Variants in SIRPB1 observed in about 807,000 individuals in gnomAD.
The protein encoded by SIRPB1 is signal regulatory protein beta 1.
SIRPB1 carries 28 observed loss-of-function variants against 34.1 expected under a neutral mutation model. The observed-to-expected ratio is 0.82, with a 90% CI of 0.61 to 1.12. SIRPB1 has a LOEUF of 1.12. SIRPB1 is among the 50% of genes most tolerant of loss of function. SIRPB1 has a pLI of 0.00. For synonymous variants in SIRPB1, 211 were observed against 203.8 expected (o/e 1.04, Z -0.30); for missense variants, 499 against 507.0 (o/e 0.98, Z 0.15).
chr20:1,616,671 C>T (rs985041093), intron 1 of SIRPB1, among the ~76,000 whole-genome samples: 4 of 152,120 alleles, frequency 2.6e-5, no homozygotes, highest in Non-Finnish European at 5.9e-5. Context: ...TCCCAAAGCA[C>T]AGGCAACAAA....
At chr20:1,617,448 C>A (rs1000372415) in intron 1 of SIRPB1, among the ~76,000 whole-genome samples, 2 of 152,132 alleles carry the variant, frequency 1.3e-5, no homozygotes, top group Non-Finnish European at 2.9e-5. Flanking sequence ...AAAGACAATA[C>A]TGCATAATGT....
At position 1,578,287 on chromosome 20, in the gene SIRPB1, T is replaced by C. The variant is rs115193913; in HGVS notation, c.433+51A>G. 333 of 1,527,522 alleles carry C rather than the reference T, an allele frequency of 2.2e-4. 27 individuals are homozygous for C. In the African/African-American group the frequency reaches 3.1e-3, roughly 14 times the overall value. The allele number at this position is 1,527,522 out of a possible 1,614,324, so 94.6% of individuals were successfully genotyped here. On this transcript the variant is annotated intron_variant, in intron 2 of 5. Transcript: ENST00000381605. The stretch of plus-strand genomic sequence containing the variant: ...GCTCCAAGAATGGATAATGTAATTA[T>C]TGAGTTATTGTCACACACCAGGGGA...
At chr20:1,592,716 A>G (rs1320447788) in intron 1 of SIRPB1, among the ~76,000 whole-genome samples, 1 of 49,348 alleles carries the variant, frequency 2.0e-5, no homozygotes, top group African/African-American at 1.3e-4. Flanking sequence ...AACTTTATTT[A>G]AAACAAACAA....
rs531225393 is a variant in SIRPB1 at position 1,572,326 on chromosome 20, C to T, written c.434-289G>A. On this transcript the variant is annotated intron_variant, in intron 2 of 5. Transcript: ENST00000381605. ...ACTTCCACCAATCTGGGCATAGGAA[C>T]AAAATTACTGATTGGTCTCCCTCCA... 1.8e-3 allele frequency among the ~76,000 whole-genome samples: 271 copies of T among 152,146 alleles called. 1 individual carries two copies. The highest frequency in any genetic ancestry group is 6.0e-3 in the African/African-American group (250 of 41,496).
Position 1,576,769 on chromosome 20 carries a change from T to C in SIRPB1, c.433+1569A>G, listed in dbSNP as rs1238633944. Among the ~76,000 whole-genome samples the C allele has an allele frequency of 8.1e-5, 12 of 148,474 alleles. No homozygotes were observed. The East Asian group carries it at 2.3e-3, about 29-fold the overall frequency. On this transcript the variant is annotated intron_variant, in intron 2 of 5. Transcript: ENST00000381605. ...AAAATACAAAATTAGCCAGGCATGG[T>C]AGCTCAAGTCTGTAATCTCTGATTG... is the stretch of plus-strand genomic sequence containing the variant.
rs2091422229 is a variant in SIRPB1, at chr20:1,586,250, C to T, written c.77-7556G>A. Among the ~76,000 whole-genome samples, 2 of 48,838 alleles carry T rather than the reference C, an allele frequency of 4.1e-5. 1 individual carries two copies. Among genetic ancestry groups the T allele is most frequent in the South Asian group, 1.5e-3 (2 of 1,358 alleles). The allele number at this position is 48,838 out of a possible 152,430, so 32.0% of individuals were successfully genotyped here. A position where few individuals can be genotyped will look rare whatever the true frequency, so the allele number is the denominator to read the frequency against. ...GAAGTGCATAGATTTTAGGAGTTCT[C>T]GCCATACAAAATTGTCAATATGTAA... On this transcript the variant is annotated intron_variant, in intron 1 of 5. Transcript: ENST00000381605.
At chr20:1,614,011 C>T (rs572887561) in intron 1 of SIRPB1, among the ~76,000 whole-genome samples, 2 of 152,290 alleles carry the variant, frequency 1.3e-5, no homozygotes, top group South Asian at 4.1e-4. Context: ...GAAGTGATTC[C>T]TTACATAAAA....
chr20:1,572,132 T>C, intron 2 of SIRPB1, 95 bp from the exon 3 acceptor site: 1 of 1,569,566 alleles, frequency 6.4e-7, no homozygotes, highest in African/African-American at 1.4e-5. Flanking sequence ...GAGACGTTAG[T>C]TTTTAATCTT....
Position 1,571,835 on chromosome 20 carries a change from G to T in SIRPB1, c.636C>A (p.Ala212=). 6 of 1,614,218 alleles carry T rather than the reference G, an allele frequency of 3.7e-6. No homozygotes were observed. Among genetic ancestry groups the T allele is most frequent in the Non-Finnish European group, 4.2e-6 (5 of 1,180,046 alleles). Residue 212 remains alanine, a synonymous_variant, in exon 3 of 6, where the codon GCC becomes GCA. Coordinates refer to ENST00000381605, the MANE Select transcript of SIRPB1 (RefSeq NM_006065.5). ...DSVSYSIHST[A]RVVLTRGDVH... Reference sequence around the variant, plus strand: ...CGTCCCCACGGGTCAGCACCACCCTGGCTGTGCTGTGGATGCTGTAGGACA... The same window carrying T: ...CGTCCCCACGGGTCAGCACCACCCTTGCTGTGCTGTGGATGCTGTAGGACA...
rs2091541346 is a variant in SIRPB1, at chr20:1,609,176, G to C, written c.76+10693C>G. Reference sequence around the variant, plus strand: ...GAGTGAGCAGATCTGAGTCACACCTGAGCCACCACTGGCTGTGACTGCCTG... The same window carrying C: ...GAGTGAGCAGATCTGAGTCACACCTCAGCCACCACTGGCTGTGACTGCCTG... On this transcript the variant is annotated intron_variant, in intron 1 of 5. Transcript: ENST00000381605. 7.1e-5 allele frequency among the ~76,000 whole-genome samples: 5 copies of C among 70,334 alleles called. 2 individuals are homozygous for C. The highest frequency in any genetic ancestry group is 1.3e-4 in the Non-Finnish European group (5 of 37,918). 46.1% of individuals were successfully genotyped at this position (70,334 alleles called of 152,430 possible).
At chr20:1,569,720 A>G (rs1346815452) in intron 4 of SIRPB1, among the ~76,000 whole-genome samples, 2 of 152,252 alleles carry the variant, frequency 1.3e-5, no homozygotes, top group African/African-American at 4.8e-5. Flanking sequence ...CCCAGCCATC[A>G]TTAGAAGAGT....
intron 2 of SIRPB1, among the ~76,000 whole-genome samples, chr20:1,576,044 C>T (rs1442790781): frequency 7.6e-6 from 1 of 131,754 alleles, no homozygotes; most frequent in Non-Finnish European, 1.7e-5. Flanking sequence ...CTCTGGCCCC[C>T]TTCCCCACCT....
intron 2 of SIRPB1, among the ~76,000 whole-genome samples, chr20:1,572,695 T>C (rs2091260652): frequency 6.6e-6 from 1 of 151,852 alleles, no homozygotes; most frequent in African/African-American, 2.4e-5. Flanking sequence ...CTTTAGGTAT[T>C]ATAAAAATAT....
rs2091427479 is a variant in SIRPB1, at chr20:1,587,285, T to G, written c.77-8591A>C. Reference sequence around the variant, plus strand: ...AGGAAGATCTCAATTGCTGAACTATTACTGCTGTCATTTGAATACAGTGTA... The same window carrying G: ...AGGAAGATCTCAATTGCTGAACTATGACTGCTGTCATTTGAATACAGTGTA... On this transcript the variant is annotated intron_variant, in intron 1 of 5. Transcript: ENST00000381605. 4.0e-5 allele frequency among the ~76,000 whole-genome samples: 2 copies of G among 49,760 alleles called. 1 individual carries two copies. Among genetic ancestry groups the G allele is most frequent in the Admixed American group, 2.7e-4 (2 of 7,498 alleles). The allele number at this position is 49,760 out of a possible 152,430, so 32.6% of individuals were successfully genotyped here. A position where few individuals can be genotyped will look rare whatever the true frequency, so the allele number is the denominator to read the frequency against.
rs1422390423 is a variant in SIRPB1 at position 1,564,725 on chromosome 20, G to GT, written c.*774dup. 1.0e-5 allele frequency: 4 copies of GT among 394,018 alleles called. No homozygotes were observed. The highest frequency in any genetic ancestry group is 1.8e-5 in the Non-Finnish European group (4 of 223,756). The allele number at this position is 394,018 out of a possible 1,614,324, so 24.4% of individuals were successfully genotyped here. ...CTGTTGGCAGTGTGAAATTGGTCAGGTTGGGAGTTATTACACTAGAGAAAT... is the reference window on the plus strand; with the variant it reads ...CTGTTGGCAGTGTGAAATTGGTCAGGTTTGGGAGTTATTACACTAGAGAAAT... On this transcript the variant is annotated 3_prime_UTR_variant, in exon 6 of 6. Coordinates refer to ENST00000381605, the MANE Select transcript of SIRPB1 (RefSeq NM_006065.5).
At chr20:1,616,030 C>T (rs112900442) in intron 1 of SIRPB1, among the ~76,000 whole-genome samples, 2 of 152,056 alleles carry the variant, frequency 1.3e-5, no homozygotes, top group Admixed American at 6.5e-5. Context: ...CATGAAAGAC[C>T]TCCACAAAAA....
chr20:1,618,380 T>C (rs568479796), intron 1 of SIRPB1, among the ~76,000 whole-genome samples: 22 of 152,336 alleles, frequency 1.4e-4, no homozygotes, highest in African/African-American at 5.1e-4. Flanking sequence ...GCTGCTCCAC[T>C]GACTGAGGTA....
At chr20:1,615,149 A>C (rs528953952) in intron 1 of SIRPB1, among the ~76,000 whole-genome samples, 80 of 152,342 alleles carry the variant, frequency 5.3e-4, no homozygotes, top group African/African-American at 1.8e-3. Flanking sequence ...TAAAATCAAC[A>C]GGCCCTCCTG....
At position 1,599,389 on chromosome 20, in the gene SIRPB1, T is replaced by C. The variant is rs2091467545; in HGVS notation, c.76+20480A>G. ...ACTGCGTCCTTTTGAACAAGACAAG[T>C]CCAATTTCCCAGGGTCATAGGAAGA... On this transcript the variant is annotated intron_variant, in intron 1 of 5. Coordinates refer to ENST00000381605, the MANE Select transcript of SIRPB1 (RefSeq NM_006065.5). 4.1e-5 allele frequency among the ~76,000 whole-genome samples: 2 copies of C among 49,222 alleles called. 1 individual carries two copies. The highest frequency in any genetic ancestry group is 2.7e-4 in the Admixed American group (2 of 7,412). 32.3% of individuals were successfully genotyped at this position (49,222 alleles called of 152,430 possible).
Sources: allele counts gnomAD v4.1 joint callset (sites outside exome capture counted in the v4.1 genomes callset), GRCh38; gene constraint gnomAD v4.1.1; transcripts MANE v1.5; gene names NCBI Gene and HGNC (gene_info 2026-07-23, HGNC 2026-07-21).